The following AR variants were observed in gnomAD, a reference collection of about 807,000 sequenced individuals.
The protein encoded by AR is androgen receptor, also known as dihydrotestosterone receptor.
A neutral mutation model predicts 53.9 loss-of-function variants in AR; 8 were observed. That is an observed-to-expected ratio of 0.15 (90% CI 0.09 to 0.27). The LOEUF is 0.27. Among genes scored for constraint, AR ranks in the 10% least tolerant of loss-of-function variants. The probability of loss-of-function intolerance (pLI) is 1.00; values close to 1 mark genes in which losing one functional copy is unlikely to be tolerated. For missense variants in AR, 639 were observed against 742.5 expected (o/e 0.86, Z 1.62); for synonymous variants, 359 against 316.4 (o/e 1.13, Z -1.43).
chrX:67,675,493 G>T (rs764243279), intron 2 of AR, among the ~76,000 whole-genome samples: 1 of 111,465 alleles, frequency 9.0e-6, no homozygotes, highest in Non-Finnish European at 1.9e-5. Context: ...GACAATTTGC[G>T]TCTGATTAGG....
At chrX:67,572,704 G>A (rs748846229) in intron 1 of AR, among the ~76,000 whole-genome samples, 8 of 111,193 alleles carry the variant, frequency 7.2e-5, no homozygotes, top group Non-Finnish European at 1.1e-4. Flanking sequence ...ATTTCGAGTT[G>A]TAAGTAGTAG....
chrX:67,691,916 T>A (rs2075997442), intron 3 of AR, among the ~76,000 whole-genome samples: 1 of 112,296 alleles, frequency 8.9e-6, no homozygotes, highest in African/African-American at 3.2e-5. Context: ...AGGTACATAT[T>A]CCTGGCCTAA....
At chrX:67,627,258 G>T (rs1208353370) in intron 1 of AR, among the ~76,000 whole-genome samples, 1 of 111,351 alleles carries the variant, frequency 9.0e-6, no homozygotes, top group African/African-American at 3.3e-5. Context: ...CAGTGTCAAA[G>T]TGTTCCTATT....
rs939028699 is a variant in AR at position 67,544,636 on chromosome X, T to G, written c.-511T>G. 73 of 168,170 alleles carry G rather than the reference T, an allele frequency of 4.3e-4. No homozygotes were observed. The highest frequency in any genetic ancestry group is 2.2e-3 in the African/African-American group (70 of 32,150). The allele number at this position is 168,170 out of a possible 1,213,427, so 13.9% of individuals were successfully genotyped here. A position where few individuals can be genotyped will look rare whatever the true frequency, so the allele number is the denominator to read the frequency against. On this transcript the variant is annotated 5_prime_UTR_variant, in exon 1 of 8. Transcript: ENST00000374690. ...GTTAGGCTGCACGCGGAGAGAACCC[T>G]CTGTTTTCCCCCACTCTCTCTCCAC... is the stretch of plus-strand genomic sequence containing the variant.
chrX:67,696,210 T>C lies in AR; in HGVS notation c.1885+10084T>C, dbSNP rs2076020422. The C allele has an allele frequency of 9.4e-6, 6 of 637,191 alleles. No homozygotes were observed. In the South Asian group the frequency reaches 4.1e-4, roughly 44 times the overall value. The allele number at this position is 637,191 out of a possible 1,213,427, so 52.5% of individuals were successfully genotyped here. A position where few individuals can be genotyped will look rare whatever the true frequency, so the allele number is the denominator to read the frequency against. On this transcript the variant is annotated intron_variant, in intron 3 of 7. Coordinates refer to ENST00000374690, the MANE Select transcript of AR (RefSeq NM_000044.6). ...ATGCTGACCTGTTCAGCTTGGACTG[T>C]TTCACATTTGTTTTTAATGTCAGTT... is the stretch of plus-strand genomic sequence containing the variant.
At chrX:67,577,808 A>G (rs1223361986) in intron 1 of AR, among the ~76,000 whole-genome samples, 3 of 111,111 alleles carry the variant, frequency 2.7e-5, no homozygotes, top group Non-Finnish European at 5.7e-5. Context: ...CTCATTTCCA[A>G]ATTGGGTTAT....
intron 3 of AR, among the ~76,000 whole-genome samples, chrX:67,694,436 C>A (rs778998593): frequency 1.8e-5 from 2 of 109,764 alleles, no homozygotes; most frequent in South Asian, 7.9e-4. Context: ...GTCAATAAAG[C>A]AGAAAAGAAG....
At chrX:67,669,949 A>T (rs1012986281) in intron 2 of AR, among the ~76,000 whole-genome samples, 4 of 106,277 alleles carry the variant, frequency 3.8e-5, no homozygotes, top group Admixed American at 1.0e-4. Flanking sequence ...AATAGGTGAA[A>T]TATGTTTCTT....
intron 1 of AR, chrX:67,569,113 A>G: frequency 2.1e-6 from 2 of 938,496 alleles, no homozygotes; most frequent in Admixed American, 2.4e-5. Context: ...TTACGCAGCC[A>G]TGACATTATC....
At chrX:67,665,652 A>T (rs1459914888) in intron 2 of AR, among the ~76,000 whole-genome samples, 3 of 111,189 alleles carry the variant, frequency 2.7e-5, no homozygotes, top group Non-Finnish European at 5.7e-5. Flanking sequence ...ACATCTAATA[A>T]CACAAAGATC....
At chrX:67,681,982 C>T (rs775843594) in intron 2 of AR, among the ~76,000 whole-genome samples, 1 of 111,925 alleles carries the variant, frequency 8.9e-6, no homozygotes, top group Non-Finnish European at 1.9e-5. Context: ...ACTATATGAT[C>T]ATCTCAATAG....
At chrX:67,666,917 T>G (rs1927293970) in intron 2 of AR, among the ~76,000 whole-genome samples, 1 of 111,632 alleles carries the variant, frequency 9.0e-6, no homozygotes, top group Admixed American at 9.6e-5. Context: ...GTTAGATTTT[T>G]TTTTTCCTAC....
At chrX:67,559,839 C>T (rs189683543) in intron 1 of AR, among the ~76,000 whole-genome samples, 1 of 111,677 alleles carries the variant, frequency 9.0e-6, no homozygotes, top group East Asian at 2.8e-4. Context: ...GATTCCAGAA[C>T]ATGTTTTGGG....
intron 1 of AR, among the ~76,000 whole-genome samples, chrX:67,559,486 C>T (rs1449622718): frequency 8.9e-6 from 1 of 111,849 alleles, no homozygotes; most frequent in Non-Finnish European, 1.9e-5. Context: ...CAAGATGCTA[C>T]CTCCGTCCCT....
chrX:67,630,816 C>T (rs1379663537), intron 1 of AR, among the ~76,000 whole-genome samples: 2 of 110,423 alleles, frequency 1.8e-5, no homozygotes, highest in African/African-American at 6.6e-5. Context: ...CCTTCAGGAC[C>T]TCTTTTAGGG....
intron 1 of AR, among the ~76,000 whole-genome samples, chrX:67,609,692 C>A (rs751130506): frequency 1.3e-4 from 14 of 110,722 alleles, no homozygotes. Flanking sequence ...TTAGTGTCTT[C>A]CCTGGCAATT....
intron 5 of AR, among the ~76,000 whole-genome samples, chrX:67,720,569 C>T (rs1413619476): frequency 4.5e-5 from 5 of 111,786 alleles, no homozygotes; most frequent in African/African-American, 1.3e-4. Flanking sequence ...CTGTTCTGCT[C>T]AATTGATTTG....
intron 3 of AR, among the ~76,000 whole-genome samples, chrX:67,705,487 A>G (rs1031545574): frequency 2.7e-5 from 3 of 111,673 alleles, no homozygotes; most frequent in Non-Finnish European, 5.6e-5. Context: ...ATTTTTGCAC[A>G]TTGATTTTGT....
At chrX:67,623,358 T>G (rs1243012020) in intron 1 of AR, among the ~76,000 whole-genome samples, 1 of 111,654 alleles carries the variant, frequency 9.0e-6, no homozygotes, top group African/African-American at 3.3e-5. Context: ...AATAGAAGGA[T>G]AGTTGGGAAA....
Sources: allele counts gnomAD v4.1 joint callset (sites outside exome capture counted in the v4.1 genomes callset), GRCh38; gene constraint gnomAD v4.1.1; transcripts MANE v1.5; gene names NCBI Gene and HGNC (gene_info 2026-07-23, HGNC 2026-07-21).